Variants in KATNIP observed in about 807,000 individuals in gnomAD.
KATNIP encodes katanin interacting protein, also known as katanin-interacting protein.
Under a neutral mutation model 174.0 loss-of-function variants are expected in KATNIP, and 126 were observed. The ratio of observed to expected loss-of-function variants is 0.72; its 90% confidence interval spans 0.63 to 0.84. The LOEUF (loss-of-function observed/expected upper bound fraction) is 0.84, where lower values mean the gene tolerates loss of function less well. Ranked by LOEUF, KATNIP falls within the 40% of genes least tolerant of loss-of-function variation. The probability of loss-of-function intolerance (pLI) is 0.00; values close to 1 mark genes in which losing one functional copy is unlikely to be tolerated. For synonymous variants in KATNIP, 810 were observed against 835.7 expected (o/e 0.97, Z 0.53); for missense variants, 1,958 against 2,109.7 (o/e 0.93, Z 1.41).
chr16:27,592,935 C>T (rs886642694), intron 2 of KATNIP, among the ~76,000 whole-genome samples: 2 of 152,134 alleles, frequency 1.3e-5, no homozygotes, highest in African/African-American at 4.8e-5. Flanking sequence ...TAAACTTAGT[C>T]TAGTTTAGCA....
rs763516833 is a variant in KATNIP at position 27,681,510 on chromosome 16, A to T, written c.920A>T (p.Asp307Val). The change falls in exon 8 of 28, where the codon GAC becomes GTC. Residue 307 changes from aspartate to valine, a missense_variant. By Grantham distance (152) the Asp-to-Val change is radical (BLOSUM62 -3). Transcript: ENST00000261588. ...CCCCAAGCTCCTGCTGTATTCCCAG[A>T]CCAGGAGAGGATGTGCTCCAGTAAG... ...LTPQAPAVFPDQERMCSRPGS... is the reference protein window; with the variant it reads ...LTPQAPAVFPVQERMCSRPGS... 1.9e-6 allele frequency: 3 copies of T among 1,614,044 alleles called. No individual in the cohort carries two copies. Among genetic ancestry groups the T allele is most frequent in the Non-Finnish European group, 1.7e-6 (2 of 1,180,036 alleles).
intron 22 of KATNIP, 50 bp downstream of exon 22, chr16:27,771,702 G>A (rs374476773): frequency 3.1e-4 from 498 of 1,581,596 alleles, no homozygotes; most frequent in Non-Finnish European, 3.9e-4. Flanking sequence ...CCGAGGCAGC[G>A]CCTGGGCCGC....
At chr16:27,683,480 T>G (rs1471822864) in intron 8 of KATNIP, among the ~76,000 whole-genome samples, 1 of 152,100 alleles carries the variant, frequency 6.6e-6, no homozygotes, top group Non-Finnish European at 1.5e-5. Flanking sequence ...GAGGCCTGCC[T>G]GGGGCCCGAG....
intron 17 of KATNIP, 30 bp from the exon 18 acceptor site, chr16:27,754,143 T>A (rs781180752): frequency 1.3e-6 from 2 of 1,596,904 alleles, no homozygotes; most frequent in Non-Finnish European, 1.7e-6. Context: ...AACCACCCCC[T>A]TTTCCTCTGC....
At position 27,777,187 on chromosome 16, in the gene KATNIP, A is replaced by C. The variant is rs1236833597; in HGVS notation, c.4551+158A>C. On this transcript the variant is annotated intron_variant, in intron 25 of 27. Transcript: ENST00000261588. This position sits in a 1 kb window ranked among gnomAD's most constrained non-coding sequence, Gnocchi z 4.4. ...ATGCAGGCGAATTTCCCACCCAACCATGAATTCAGAACCTGCTGGCAGTGA... is the reference window on the plus strand; with the variant it reads ...ATGCAGGCGAATTTCCCACCCAACCCTGAATTCAGAACCTGCTGGCAGTGA... Among the ~76,000 whole-genome samples the C allele has an allele frequency of 6.6e-6, 1 of 152,202 alleles. No individual in the cohort carries two copies. The highest frequency in any genetic ancestry group is 1.5e-5 in the Non-Finnish European group (1 of 68,028).
chr16:27,673,384 G>C (rs1180374965), intron 6 of KATNIP, among the ~76,000 whole-genome samples: 1 of 152,182 alleles, frequency 6.6e-6, no homozygotes, highest in Non-Finnish European at 1.5e-5. Context: ...TGAATCTGTT[G>C]CCCCTCCAAC....
intron 1 of KATNIP, among the ~76,000 whole-genome samples, chr16:27,557,142 A>AT (rs369925365): frequency 0.018 from 2,537 of 137,924 alleles, 23 homozygotes; most frequent in Non-Finnish European, 0.026. Context: ...TGTGAAGTTG[A>AT]TTTTTTTTTT....
At chr16:27,767,566 T>C (rs2082166841) in intron 20 of KATNIP, among the ~76,000 whole-genome samples, 1 of 151,938 alleles carries the variant, frequency 6.6e-6, no homozygotes, top group African/African-American at 2.4e-5. Flanking sequence ...ACCAAAAAAA[T>C]AGGCAGGCTT....
At chr16:27,577,624 G>A (rs968364907) in intron 2 of KATNIP, among the ~76,000 whole-genome samples, 23 of 152,262 alleles carry the variant, frequency 1.5e-4, no homozygotes, top group African/African-American at 3.9e-4. Flanking sequence ...CTCAGAAAGC[G>A]GAGGTTGCAG....
intron 8 of KATNIP, among the ~76,000 whole-genome samples, chr16:27,691,667 A>G (rs1273591141): frequency 6.6e-6 from 1 of 152,202 alleles, no homozygotes; most frequent in Non-Finnish European, 1.5e-5. Flanking sequence ...AAGCTCTGGT[A>G]GTGGAGCTGC....
chr16:27,653,368 A>G (rs965717645), intron 6 of KATNIP, among the ~76,000 whole-genome samples: 6 of 152,024 alleles, frequency 3.9e-5, no homozygotes, highest in Non-Finnish European at 7.4e-5. Context: ...TAAAGTGGTT[A>G]TTGCTGACAT....
At chr16:27,750,383 G>A in intron 16 of KATNIP, 77 bp downstream of exon 16, 1 of 1,428,852 alleles carries the variant, frequency 7.0e-7, no homozygotes, top group Non-Finnish European at 9.5e-7. Flanking sequence ...AAACAGACCA[G>A]CTGGCTAGCC....
intron 2 of KATNIP, among the ~76,000 whole-genome samples, chr16:27,603,510 CA>C (rs2075601429): frequency 6.6e-6 from 1 of 152,162 alleles, no homozygotes; most frequent in African/African-American, 2.4e-5. Flanking sequence ...TACACCTCCC[CA>C]GAGAGGCCCT....
intron 20 of KATNIP, among the ~76,000 whole-genome samples, chr16:27,768,123 G>A (rs759383057): frequency 1.3e-5 from 2 of 152,166 alleles, no homozygotes; most frequent in Non-Finnish European, 2.9e-5. Flanking sequence ...CCTGAGATGG[G>A]AGACCCCCAC....
At chr16:27,567,827 G>T (rs903674608) in intron 1 of KATNIP, among the ~76,000 whole-genome samples, 13 of 152,064 alleles carry the variant, frequency 8.5e-5, no homozygotes, top group African/African-American at 2.7e-4. Context: ...TGCACCCAGT[G>T]GTGGCACACC....
chr16:27,777,041 T>C lies in KATNIP; in HGVS notation c.4551+12T>C. ...TGAAGGAGTTTGGCGTAAGTACTTA[T>C]TAGCTGAGTTTTTTGAGATAATTAT... is the stretch of plus-strand genomic sequence containing the variant. On this transcript the variant is annotated intron_variant, in intron 25 of 27. Transcript: ENST00000261588. The surrounding 1 kb of genome is among the most constrained non-coding windows in gnomAD (Gnocchi z 4.4). 1.3e-6 allele frequency: 2 copies of C among 1,538,438 alleles called. No individual in the cohort carries two copies. Among genetic ancestry groups the C allele is most frequent in the Non-Finnish European group, 1.8e-6 (2 of 1,115,218 alleles).
chr16:27,701,561 T>G, intron 10 of KATNIP, 28 bp from the exon 11 acceptor site: 1 of 1,536,302 alleles, frequency 6.5e-7, no homozygotes. Context: ...GCCTGAGACA[T>G]CTGTTTAATA....
intron 14 of KATNIP, among the ~76,000 whole-genome samples, chr16:27,738,334 G>A (rs894002640): frequency 5.3e-5 from 8 of 152,154 alleles, no homozygotes; most frequent in African/African-American, 1.9e-4. Flanking sequence ...TGATAGGTAC[G>A]TTTGTTCTCT....
At chr16:27,656,744 T>A (rs1350997354) in intron 6 of KATNIP, among the ~76,000 whole-genome samples, 2 of 130,370 alleles carry the variant, frequency 1.5e-5, no homozygotes, top group Non-Finnish European at 3.1e-5. Flanking sequence ...AACAATGAGA[T>A]CACATGGACA....
Sources: gnomAD v4.1 joint callset for allele counts (sites outside exome capture counted in the v4.1 genomes callset) on GRCh38, gnomAD v4.1.1 for gene constraint, Gnocchi (gnomAD v3.1) non-coding constraint, MANE v1.5 for transcripts, NCBI Gene and HGNC (gene_info 2026-07-23, HGNC 2026-07-21) for gene names.